Variants in ZNF676 observed in about 807,000 individuals in gnomAD.
ZNF676 encodes the protein zinc finger protein 676.
A neutral mutation model predicts 6.0 loss-of-function variants in ZNF676; 4 were observed. The observed-to-expected ratio is 0.67, with a 90% confidence interval of 0.33 to 1.53. ZNF676 has a LOEUF of 1.53. Among genes scored for constraint, ZNF676 ranks in the 40% most tolerant of loss-of-function variants. The probability of loss-of-function intolerance (pLI) is 0.06; values close to 1 mark genes in which losing one functional copy is unlikely to be tolerated. For missense variants in ZNF676, 644 were observed against 679.7 expected, an observed-to-expected ratio of 0.95 and a Z score of 0.58; for synonymous variants, 198 against 223.1, an observed-to-expected ratio of 0.89 and a Z score of 1.00.
chr19:22,210,812 C>T (rs1278101965), intron 1 of ZNF676, among the ~76,000 whole-genome samples: 2 of 152,176 alleles, frequency 1.3e-5, no homozygotes, highest in African/African-American at 2.4e-5. Flanking sequence ...CCACAGGCTC[C>T]TGAACTCTGA....
At chr19:22,195,779 T>G (rs546820600) in intron 1 of ZNF676, among the ~76,000 whole-genome samples, 1 of 152,326 alleles carries the variant, frequency 6.6e-6, no homozygotes, top group South Asian at 2.1e-4. Context: ...CGAGTATCCA[T>G]GGGACCTTGT....
chr19:22,206,257 A>G (rs2024075692), intron 1 of ZNF676, among the ~76,000 whole-genome samples: 1 of 152,196 alleles, frequency 6.6e-6, no homozygotes, highest in Admixed American at 6.5e-5. Context: ...AAAGATTAAA[A>G]AGAAGAAACT....
At chr19:22,208,710 G>A (rs894380574) in intron 1 of ZNF676, among the ~76,000 whole-genome samples, 8 of 151,866 alleles carry the variant, frequency 5.3e-5, no homozygotes, top group African/African-American at 1.9e-4. Flanking sequence ...TTTGGGGGCT[G>A]AGCCAGGTGG....
rs548793133 is a variant in ZNF676, at chr19:22,208,634, A to G, written c.3+6998T>C. Among the ~76,000 whole-genome samples, 12 of 152,340 alleles carry G rather than the reference A, an allele frequency of 7.9e-5. No individual in the cohort carries two copies. In the East Asian group the frequency reaches 1.5e-3, roughly 20 times the overall value. Reference sequence around the variant, plus strand: ...ATGGAATCAACCTAAATGCCTATCAATGGTAGACTGGATACAGAAAATACG... The same window carrying G: ...ATGGAATCAACCTAAATGCCTATCAGTGGTAGACTGGATACAGAAAATACG... On this transcript the variant is annotated intron_variant, in intron 1 of 3. Transcript: ENST00000650058.
At chr19:22,246,161 A>G in the ZNF676 span, among the ~76,000 whole-genome samples, 4 of 152,120 alleles carry the variant, frequency 2.6e-5, no homozygotes, top group African/African-American at 9.7e-5. Context: ...GGCACATCAC[A>G]TAGGTGATTA....
chr19:22,194,207 G>A (rs1205293014), intron 1 of ZNF676, among the ~76,000 whole-genome samples: 1 of 152,160 alleles, frequency 6.6e-6, no homozygotes, highest in African/African-American at 2.4e-5. Context: ...CTTTCTACAT[G>A]TCATGCAGGG....
intron 1 of ZNF676, chr19:22,215,503 G>C (rs2024175208): frequency 1.9e-5 from 20 of 1,080,604 alleles, no homozygotes; most frequent in Non-Finnish European, 2.7e-5. Context: ...GAAGGGGACT[G>C]AGGTCGAGCT....
At chr19:22,203,733 T>C (rs2024049139) in intron 1 of ZNF676, among the ~76,000 whole-genome samples, 1 of 152,076 alleles carries the variant, frequency 6.6e-6, no homozygotes, top group Admixed American at 6.6e-5. Context: ...TAGCTGGGAC[T>C]ATAGACACAC....
At chr19:22,189,050 C>A (rs2023872611) in intron 2 of ZNF676, among the ~76,000 whole-genome samples, 2 of 151,994 alleles carry the variant, frequency 1.3e-5, no homozygotes, top group South Asian at 2.1e-4. Context: ...ATGGCCAAGG[C>A]AATCCTAAGC....
At chr19:22,226,574 T>A in the ZNF676 span, among the ~76,000 whole-genome samples, 2 of 140,902 alleles carry the variant, frequency 1.4e-5, no homozygotes, top group Non-Finnish European at 3.0e-5. Flanking sequence ...TTATTTATTT[T>A]ATTTAGAGAG....
chr19:22,222,665 T>C, the ZNF676 span, among the ~76,000 whole-genome samples: 1 of 52,222 alleles, frequency 1.9e-5, no homozygotes, highest in Non-Finnish European at 3.5e-5. Context: ...GGGGTAAAAA[T>C]CTTCTTCTGT....
the ZNF676 span, among the ~76,000 whole-genome samples, chr19:22,255,093 T>C: frequency 1.3e-5 from 2 of 152,190 alleles, no homozygotes; most frequent in Admixed American, 1.3e-4. Flanking sequence ...ACTGGATCTG[T>C]GTATTAAATC....
the ZNF676 span, among the ~76,000 whole-genome samples, chr19:22,240,723 C>A: frequency 6.6e-6 from 1 of 151,828 alleles, no homozygotes; most frequent in Non-Finnish European, 1.5e-5. Flanking sequence ...AGCCCAGGAG[C>A]GGAGTTTTCA....
At chr19:22,232,135 G>A in the ZNF676 span, among the ~76,000 whole-genome samples, 1 of 151,842 alleles carries the variant, frequency 6.6e-6, no homozygotes, top group Admixed American at 6.6e-5. Context: ...AACACATAGA[G>A]AACAATATAG....
chr19:22,219,151 T>C (rs1314472648), upstream of ZNF676, among the ~76,000 whole-genome samples: 1 of 151,718 alleles, frequency 6.6e-6, no homozygotes, highest in Non-Finnish European at 1.5e-5. Flanking sequence ...CAGGCTGGAG[T>C]GCAGTGGCAT....
chr19:22,235,762 A>C, the ZNF676 span, among the ~76,000 whole-genome samples: 1 of 152,166 alleles, frequency 6.6e-6, no homozygotes, highest in African/African-American at 2.4e-5. Flanking sequence ...TATGACACAA[A>C]GCCAGAGAGT....
At chr19:22,192,865 C>T in intron 2 of ZNF676, 151 bp downstream of exon 2, 2 of 788,834 alleles carry the variant, frequency 2.5e-6, no homozygotes, top group African/African-American at 1.9e-5. Flanking sequence ...GAAGATGCCC[C>T]TGTGTGAGAG....
At chr19:22,201,015 T>C (rs2024020432), upstream of ZNF676, among the ~76,000 whole-genome samples, 1 of 152,110 alleles carries the variant, frequency 6.6e-6, no homozygotes, top group African/African-American at 2.4e-5. Context: ...CCAGTGAACC[T>C]GGGCTGATGG....
At chr19:22,182,593 A>AAAAAAAAAAAAAAGC (rs1356303631) in intron 2 of ZNF676, among the ~76,000 whole-genome samples, 1,395 of 90,738 alleles carry the variant, frequency 0.015, 24 homozygotes, top group Non-Finnish European at 0.024. Flanking sequence ...TCTAAAAAAA[A>AAAAAAAAAAAAAAGC]AAAAAAAAAG....
Sources: allele counts gnomAD v4.1 joint callset (sites outside exome capture counted in the v4.1 genomes callset), GRCh38; gene constraint gnomAD v4.1.1; transcripts MANE v1.5; gene names NCBI Gene and HGNC (gene_info 2026-07-23, HGNC 2026-07-21).